The following GALNTL6 variants were observed in gnomAD, a reference collection of about 807,000 sequenced individuals.
GALNTL6 encodes the protein polypeptide N-acetylgalactosaminyltransferase like 6.
GALNTL6 carries 46 observed loss-of-function variants against 73.7 expected under a neutral mutation model. That is an observed-to-expected ratio of 0.62 (90% confidence interval 0.49 to 0.80). The LOEUF is 0.80. Among genes scored for constraint, GALNTL6 ranks in the 30% least tolerant of loss-of-function variants. The probability of loss-of-function intolerance (pLI) is 0.00; values close to 1 mark genes in which losing one functional copy is unlikely to be tolerated. For missense variants in GALNTL6, 604 were observed against 755.0 expected (o/e 0.80, Z 2.34); for synonymous variants, 259 against 263.7 (o/e 0.98, Z 0.17).
chr4:172,565,560 G>C (rs1477248714), intron 5 of GALNTL6, among the ~76,000 whole-genome samples: 1 of 152,118 alleles, frequency 6.6e-6, no homozygotes, highest in East Asian at 1.9e-4. Flanking sequence ...TGGCATTTAG[G>C]TTTCTTTTCT....
intron 5 of GALNTL6, among the ~76,000 whole-genome samples, chr4:172,437,857 CCT>C (rs566071493): frequency 5.3e-4 from 80 of 152,164 alleles, no homozygotes; most frequent in African/African-American, 1.7e-3. Flanking sequence ...TTATTAAACA[CCT>C]CTGTTTTCCA....
chr4:172,278,881 A>G (rs1176920649), intron 3 of GALNTL6, among the ~76,000 whole-genome samples: 3 of 152,146 alleles, frequency 2.0e-5, no homozygotes, highest in African/African-American at 7.2e-5. Flanking sequence ...ACACAGGCCA[A>G]TGGACTGCAA....
intron 2 of GALNTL6, among the ~76,000 whole-genome samples, chr4:172,053,136 C>A (rs2110862880): frequency 6.6e-6 from 1 of 152,184 alleles, no homozygotes; most frequent in South Asian, 2.1e-4. Flanking sequence ...GTCTAATTAC[C>A]ATTTTCATTA....
intron 5 of GALNTL6, among the ~76,000 whole-genome samples, chr4:172,353,252 G>A (rs1296496276): frequency 1.3e-5 from 2 of 152,144 alleles, no homozygotes; most frequent in Non-Finnish European, 2.9e-5. Flanking sequence ...GTTGCAGTGA[G>A]CCAAGATCGT....
chr4:172,535,593 C>A (rs951669840), intron 5 of GALNTL6, among the ~76,000 whole-genome samples: 22 of 152,308 alleles, frequency 1.4e-4, no homozygotes, highest in Admixed American at 1.4e-3. Context: ...TTACATTAAA[C>A]CACAGTTCCC....
At chr4:171,878,418 A>G (rs1337082432) in intron 2 of GALNTL6, among the ~76,000 whole-genome samples, 2 of 152,146 alleles carry the variant, frequency 1.3e-5, no homozygotes, top group African/African-American at 4.8e-5. Flanking sequence ...TCAGTTAGCA[A>G]TTTCTACCCT....
intron 5 of GALNTL6, among the ~76,000 whole-genome samples, chr4:172,490,304 T>A (rs1057011736): frequency 1.3e-5 from 2 of 152,182 alleles, no homozygotes; most frequent in Admixed American, 6.5e-5. Flanking sequence ...AAAAAAATGC[T>A]ATAAGCTTTT....
chr4:172,300,295 G>A (rs536692507), intron 3 of GALNTL6, among the ~76,000 whole-genome samples: 1 of 152,086 alleles, frequency 6.6e-6, no homozygotes, highest in Non-Finnish European at 1.5e-5. Flanking sequence ...CCTGAATACA[G>A]CACACTGATG....
At chr4:172,220,946 A>T (rs985485834) in intron 2 of GALNTL6, among the ~76,000 whole-genome samples, 2 of 151,906 alleles carry the variant, frequency 1.3e-5, no homozygotes, top group Non-Finnish European at 2.9e-5. Context: ...ATATTTATAT[A>T]GGCATATTTT....
In GALNTL6 at chr4:173,038,341, T is replaced by TG. The variant is rs554101268; in HGVS notation, c.1639-1589dup. On this transcript the variant is annotated intron_variant, in intron 12 of 12. Transcript: ENST00000506823. The stretch of plus-strand genomic sequence containing the variant: ...ACAGCAGCGGCTGGGAGAGGGCATC[T>TG]GGGACAGCAAATATCTAGGACCCTC... Among the ~76,000 whole-genome samples the TG allele has an allele frequency of 4.3e-3, 651 of 152,262 alleles. 10 individuals are homozygous for TG. Among genetic ancestry groups the TG allele is most frequent in the African/African-American group, 0.015 (604 of 41,560 alleles).
chr4:171,881,016 TC>T (rs1238598219), intron 2 of GALNTL6, among the ~76,000 whole-genome samples: 2 of 150,142 alleles, frequency 1.3e-5, no homozygotes, highest in African/African-American at 2.5e-5. Flanking sequence ...ACAAAATGGC[TC>T]CCACCGAGTA....
chr4:172,728,337 T>A (rs919276535), intron 5 of GALNTL6, among the ~76,000 whole-genome samples: 4 of 152,164 alleles, frequency 2.6e-5, no homozygotes, highest in African/African-American at 9.7e-5. Context: ...GAGATCCACT[T>A]TTTTTAGTTC....
chr4:171,996,057 C>A (rs1279861016), intron 2 of GALNTL6, among the ~76,000 whole-genome samples: 1 of 152,040 alleles, frequency 6.6e-6, no homozygotes, highest in Non-Finnish European at 1.5e-5. Flanking sequence ...CCCATTCCTG[C>A]TGTCATCCTG....
chr4:172,175,654 A>G (rs1052615515), intron 2 of GALNTL6, among the ~76,000 whole-genome samples: 4 of 152,254 alleles, frequency 2.6e-5, no homozygotes, highest in Non-Finnish European at 5.9e-5. Context: ...TGCTACGTGC[A>G]ACAAACTCAT....
chr4:172,645,371 A>G (rs1740191416), intron 5 of GALNTL6, among the ~76,000 whole-genome samples: 1 of 152,026 alleles, frequency 6.6e-6, no homozygotes, highest in Admixed American at 6.6e-5. Context: ...ATTTTTGTAT[A>G]TGGTATAAAG....
chr4:172,491,168 C>A (rs910328459), intron 5 of GALNTL6, among the ~76,000 whole-genome samples: 1 of 152,036 alleles, frequency 6.6e-6, no homozygotes, highest in Non-Finnish European at 1.5e-5. Context: ...AGTTAGTGTT[C>A]CCACACCAGT....
At chr4:172,484,328 T>A (rs1733598215) in intron 5 of GALNTL6, among the ~76,000 whole-genome samples, 1 of 152,210 alleles carries the variant, frequency 6.6e-6, no homozygotes, top group African/African-American at 2.4e-5. Flanking sequence ...TCTGTTTTCC[T>A]GAGAAACAGA....
At chr4:171,979,158 T>G (rs17057803) in intron 2 of GALNTL6, among the ~76,000 whole-genome samples, 5,839 of 152,228 alleles carry the variant, frequency 0.038, 320 homozygotes, top group African/African-American at 0.12. Context: ...TGGCATAATC[T>G]TTGAATTGAC....
intron 8 of GALNTL6, among the ~76,000 whole-genome samples, chr4:172,904,460 T>G (rs2111247256): frequency 6.6e-6 from 1 of 152,270 alleles, no homozygotes; most frequent in Admixed American, 6.5e-5. Flanking sequence ...CTAAGTTTTG[T>G]TATGGGATGA....
Sources: allele counts gnomAD v4.1 joint callset (sites outside exome capture counted in the v4.1 genomes callset), GRCh38; gene constraint gnomAD v4.1.1; transcripts MANE v1.5; gene names NCBI Gene and HGNC (gene_info 2026-07-23, HGNC 2026-07-21).